The following RAP1GAP2 variants were observed in gnomAD, a reference collection of about 807,000 sequenced individuals.
RAP1GAP2 encodes RAP1 GTPase activating protein 2, also known as rap1 GTPase-activating protein 2.
Under a neutral mutation model 95.0 loss-of-function variants are expected in RAP1GAP2, and 27 were observed. That is an observed-to-expected ratio of 0.28 (90% CI 0.21 to 0.39). RAP1GAP2 has a LOEUF of 0.39. Ranked by LOEUF, RAP1GAP2 falls within the 10% of genes least tolerant of loss-of-function variation. RAP1GAP2 has a pLI of 1.00. For synonymous variants in RAP1GAP2, 373 were observed against 380.9 expected (o/e 0.98, Z 0.24); for missense variants, 771 against 970.0 (o/e 0.79, Z 2.72).
At chr17:2,985,152 C>G in intron 11 of RAP1GAP2, 86 bp downstream of exon 11, 1 of 1,578,046 alleles carries the variant, frequency 6.3e-7, no homozygotes, top group East Asian at 2.3e-5. Flanking sequence ...CACAGGAGTC[C>G]TGACCTGCGT....
At chr17:2,823,607 C>G (rs111866909) in intron 2 of RAP1GAP2, among the ~76,000 whole-genome samples, 1 of 152,060 alleles carries the variant, frequency 6.6e-6, no homozygotes, top group African/African-American at 2.4e-5. Flanking sequence ...GTGTGCCACT[C>G]GCTCCTCTCC....
upstream of RAP1GAP2, among the ~76,000 whole-genome samples, chr17:2,776,886 C>A (rs573430422): frequency 6.6e-6 from 1 of 151,902 alleles, no homozygotes; most frequent in Non-Finnish European, 1.5e-5. Flanking sequence ...GGGGCGACCG[C>A]GGGGACTGAG....
Position 3,036,400 on chromosome 17 carries a change from T to C in RAP1GAP2, c.*3039T>C, listed in dbSNP as rs62089808. 0.057 allele frequency: 8,723 copies of C among 152,316 alleles called. 333 individuals are homozygous for C. Among genetic ancestry groups the C allele is most frequent in the Middle Eastern group, 0.088 (26 of 294 alleles). 9.4% of individuals were successfully genotyped at this position (152,316 alleles called of 1,614,324 possible). On this transcript the variant is annotated 3_prime_UTR_variant, in exon 25 of 25. Coordinates refer to ENST00000254695, the MANE Select transcript of RAP1GAP2 (RefSeq NM_015085.5). Reference sequence around the variant, plus strand: ...ATGGTTGGTTGAATAAGTGGCTGCGTTTCCTGGGGCCCTGGGTTTTGGGGA... The same window carrying C: ...ATGGTTGGTTGAATAAGTGGCTGCGCTTCCTGGGGCCCTGGGTTTTGGGGA...
chr17:2,815,784 A>G (rs1027303937), intron 2 of RAP1GAP2, among the ~76,000 whole-genome samples: 1 of 152,160 alleles, frequency 6.6e-6, no homozygotes, highest in Admixed American at 6.5e-5. Flanking sequence ...ACCCGGCCCC[A>G]TTTCCGATAT....
chr17:2,997,404 C>T (rs961008341), intron 13 of RAP1GAP2, among the ~76,000 whole-genome samples: 8 of 152,174 alleles, frequency 5.3e-5, no homozygotes, highest in African/African-American at 1.7e-4. Context: ...CTGACTTAGC[C>T]CTTGCTGGCT....
At chr17:2,935,535 C>T (rs567776673) in intron 3 of RAP1GAP2, among the ~76,000 whole-genome samples, 1 of 152,150 alleles carries the variant, frequency 6.6e-6, no homozygotes, top group Non-Finnish European at 1.5e-5. Flanking sequence ...AGAGAACGTC[C>T]CACATCTTTA....
At chr17:2,957,923 TC>T (rs1329857320) in intron 4 of RAP1GAP2, 129 bp downstream of exon 4, 1 of 1,020,858 alleles carries the variant, frequency 9.8e-7, no homozygotes, top group Non-Finnish European at 1.4e-6. Flanking sequence ...GACAATTGCA[TC>T]CCCTTGGCCC....
Position 2,770,044 on chromosome 17 carries a change from G to A in RAP1GAP2, c.51-285G>A, listed in dbSNP as rs1015410685. Among the ~76,000 whole-genome samples the A allele has an allele frequency of 2.8e-5, 4 of 141,268 alleles. No individual in the cohort carries two copies. In the East Asian group the frequency reaches 6.6e-4, roughly 23 times the overall value. 92.7% of individuals were successfully genotyped at this position (141,268 alleles called of 152,430 possible). ...GCCAAAATCGCACCACTGCACTCCA[G>A]CCTGGGCAACAGAGAGAGACTCGGT... On this transcript the variant is annotated intron_variant, in intron 1 of 25. Transcript: ENST00000637138.
At chr17:2,930,727 T>C (rs998605489) in intron 3 of RAP1GAP2, among the ~76,000 whole-genome samples, 1 of 152,166 alleles carries the variant, frequency 6.6e-6, no homozygotes, top group Non-Finnish European at 1.5e-5. Flanking sequence ...GTGTTACCTT[T>C]GTGCTTGAGT....
In RAP1GAP2 at chr17:2,955,821, G is replaced by C. The variant is rs185720184; in HGVS notation, c.166-1938G>C. Among the ~76,000 whole-genome samples the C allele has an allele frequency of 1.3e-3, 204 of 152,274 alleles. 1 individual carries two copies. In the Middle Eastern group the frequency reaches 0.02, roughly 15 times the overall value. On this transcript the variant is annotated intron_variant, in intron 3 of 24. Transcript: ENST00000254695. ...AAGTTATCTAATTTATTGACCTATA[G>C]TTTATAGTACTTGTATTTTATTCTG...
intron 20 of RAP1GAP2, 28 bp downstream of exon 20, chr17:3,026,149 G>A (rs1443602969): frequency 1.5e-5 from 23 of 1,557,434 alleles, no homozygotes; most frequent in Non-Finnish European, 1.9e-5. Context: ...GGAAAGGCCA[G>A]CTTCGGCCAC....
intron 1 of RAP1GAP2, among the ~76,000 whole-genome samples, chr17:2,790,172 G>A (rs987542407): frequency 2.6e-5 from 4 of 151,998 alleles, no homozygotes; most frequent in African/African-American, 9.7e-5. Flanking sequence ...GAGTGCAGCG[G>A]CATGATCTCA....
At chr17:2,800,843 C>T (rs1597333033) in intron 2 of RAP1GAP2, among the ~76,000 whole-genome samples, 1 of 39,180 alleles carries the variant, frequency 2.6e-5, no homozygotes. Flanking sequence ...CTTTTTCTTT[C>T]TTTCTTTCTT....
At chr17:2,948,841 C>T (rs141659648) in intron 3 of RAP1GAP2, among the ~76,000 whole-genome samples, 217 of 152,236 alleles carry the variant, frequency 1.4e-3, no homozygotes, top group African/African-American at 4.5e-3. Flanking sequence ...GAGAGGGGGT[C>T]CTGGACTCAC....
At chr17:2,804,922 A>T (rs2069451153) in intron 2 of RAP1GAP2, among the ~76,000 whole-genome samples, 1 of 152,102 alleles carries the variant, frequency 6.6e-6, no homozygotes, top group South Asian at 2.1e-4. Flanking sequence ...TCCAGCCTTG[A>T]CGTTCTAGGA....
At chr17:3,022,056 C>T (rs1259374448) in intron 19 of RAP1GAP2, among the ~76,000 whole-genome samples, 1 of 152,156 alleles carries the variant, frequency 6.6e-6, no homozygotes, top group Non-Finnish European at 1.5e-5. Flanking sequence ...TTTGAGGAAC[C>T]TCCAAACACT....
chr17:3,023,578 A>G (rs185474184), intron 19 of RAP1GAP2, among the ~76,000 whole-genome samples: 73 of 152,338 alleles, frequency 4.8e-4, no homozygotes, highest in African/African-American at 1.7e-3. Flanking sequence ...TTGTGAACCA[A>G]CAGTAGAGAT....
chr17:2,905,930 G>A (rs956914251), intron 3 of RAP1GAP2, among the ~76,000 whole-genome samples: 1 of 152,200 alleles, frequency 6.6e-6, no homozygotes, highest in Non-Finnish European at 1.5e-5. Flanking sequence ...CTCCTGGACG[G>A]GAGCCGAGGG....
At chr17:2,920,495 A>G (rs973576365) in intron 3 of RAP1GAP2, among the ~76,000 whole-genome samples, 1 of 152,076 alleles carries the variant, frequency 6.6e-6, no homozygotes, top group Non-Finnish European at 1.5e-5. Context: ...CCCCCGCTGG[A>G]TGGTGCTGGG....
Sources: gnomAD v4.1 joint callset for allele counts (sites outside exome capture counted in the v4.1 genomes callset) on GRCh38, gnomAD v4.1.1 for gene constraint, MANE v1.5 for transcripts, NCBI Gene and HGNC (gene_info 2026-07-23, HGNC 2026-07-21) for gene names.